The following SLC2A9 variants were observed in gnomAD, a reference collection of about 807,000 sequenced individuals.
SLC2A9 encodes solute carrier family 2 member 9.
In SLC2A9, 39 loss-of-function variants were observed where a neutral mutation model predicts 50.6. That is an observed-to-expected ratio of 0.77 (90% CI 0.60 to 1.01). The LOEUF (loss-of-function observed/expected upper bound fraction) is 1.01, where lower values mean the gene tolerates loss of function less well. Ranked by LOEUF, SLC2A9 falls within the 50% of genes least tolerant of loss-of-function variation. The pLI is 0.00. For synonymous variants in SLC2A9, 324 were observed against 276.9 expected, an observed-to-expected ratio of 1.17 and a Z score of -1.69; for missense variants, 686 against 677.6, an observed-to-expected ratio of 1.01 and a Z score of -0.14.
chr4:9,814,160 T>C (rs1435559827), intron 3 of SLC2A9, among the ~76,000 whole-genome samples: 3 of 151,714 alleles, frequency 2.0e-5, no homozygotes, highest in Non-Finnish European at 2.9e-5. Flanking sequence ...AAGAAATGGA[T>C]AGAAGTTATC....
intron 3 of SLC2A9, among the ~76,000 whole-genome samples, chr4:9,811,647 C>T (rs1398266411): frequency 1.3e-5 from 2 of 152,176 alleles, no homozygotes; most frequent in Non-Finnish European, 2.9e-5. Context: ...GGAGACACCA[C>T]AGGGATCCAC....
At chr4:9,797,260 A>G (rs1720703173), downstream of SLC2A9, among the ~76,000 whole-genome samples, 1 of 152,172 alleles carries the variant, frequency 6.6e-6, no homozygotes, top group Non-Finnish European at 1.5e-5. Flanking sequence ...ATTTCCCTGT[A>G]ACCCCAGTAT....
chr4:10,008,917 T>C (rs1420720678), intron 2 of SLC2A9, among the ~76,000 whole-genome samples: 4 of 149,552 alleles, frequency 2.7e-5, no homozygotes, highest in East Asian at 1.9e-4. Context: ...TTTTTTTTTT[T>C]CCTAATGGAA....
At chr4:9,790,196 A>G (rs1471800523) in intron 3 of SLC2A9, among the ~76,000 whole-genome samples, 1 of 152,102 alleles carries the variant, frequency 6.6e-6, no homozygotes, top group Non-Finnish European at 1.5e-5. Flanking sequence ...GGAAGAGGAG[A>G]GCTCCTTCAT....
intron 10 of SLC2A9, 88 bp from the exon 11 acceptor site, chr4:9,835,096 C>T (rs1232930958): frequency 2.8e-5 from 45 of 1,588,668 alleles, no homozygotes; most frequent in Non-Finnish European, 3.8e-5. Context: ...ACTTTAGAAC[C>T]CCCCCACCCC....
chr4:9,944,855 A>G (rs1269014217), intron 5 of SLC2A9, among the ~76,000 whole-genome samples: 2 of 152,198 alleles, frequency 1.3e-5, no homozygotes, highest in African/African-American at 4.8e-5. Flanking sequence ...GAAAAGTGTG[A>G]CTGGGTGTGT....
chr4:9,799,489 C>T (rs1046934819), intron 3 of SLC2A9, among the ~76,000 whole-genome samples: 6 of 151,998 alleles, frequency 3.9e-5, no homozygotes, highest in Non-Finnish European at 7.4e-5. Context: ...TTCAGAATGG[C>T]TCTGCCCAAA....
At chr4:9,803,062 C>T (rs1721672769) in intron 3 of SLC2A9, among the ~76,000 whole-genome samples, 1 of 152,164 alleles carries the variant, frequency 6.6e-6, no homozygotes, top group South Asian at 2.1e-4. Flanking sequence ...AGTGTATTGG[C>T]CTGGGAATTG....
At chr4:9,985,623 C>G in intron 4 of SLC2A9, 46 bp downstream of exon 4, 1 of 1,612,804 alleles carries the variant, frequency 6.2e-7, no homozygotes, top group Non-Finnish European at 8.5e-7. Context: ...TGGGACACCC[C>G]CAAGGAGTAT....
At chr4:9,926,956 G>T (rs1745010912) in intron 6 of SLC2A9, among the ~76,000 whole-genome samples, 1 of 152,030 alleles carries the variant, frequency 6.6e-6, no homozygotes, top group Admixed American at 6.5e-5. Context: ...AGAAGAGGGA[G>T]CATGGCCCTG....
Position 9,918,819 on chromosome 4 carries a change from C to T in SLC2A9, c.1002+1566G>A, listed in dbSNP as rs1234719845. 2.6e-5 allele frequency among the ~76,000 whole-genome samples: 4 copies of T among 152,332 alleles called. No homozygotes were observed. The East Asian group carries it at 7.7e-4, about 29-fold the overall frequency. ...TGCTCCAGGTCAGGTAAAGCACGCT[C>T]AGCTGGAAATATTATCCCGACTTAA... On this transcript the variant is annotated intron_variant, in intron 7 of 11. Coordinates refer to ENST00000264784, the MANE Select transcript of SLC2A9 (RefSeq NM_020041.3).
At chr4:10,019,348 G>A (rs918330399) in intron 1 of SLC2A9, 29 of 539,576 alleles carry the variant, frequency 5.4e-5, no homozygotes, top group Non-Finnish European at 9.0e-5. Context: ...GCAGTTTTCA[G>A]CAGCTGCTCT....
intron 2 of SLC2A9, among the ~76,000 whole-genome samples, chr4:10,015,739 C>T (rs953971770): frequency 1.8e-4 from 27 of 152,132 alleles, no homozygotes; most frequent in Admixed American, 1.7e-3. Context: ...ACGAATCCAC[C>T]GGCACTTTGA....
chr4:9,783,460 T>A (rs779431218), intron 3 of SLC2A9: 2 of 1,598,300 alleles, frequency 1.3e-6, no homozygotes, highest in Non-Finnish European at 1.7e-6. Flanking sequence ...ATGGATTCCA[T>A]TAAACTGCAT....
At chr4:10,007,042 G>T (rs1760913911) in intron 2 of SLC2A9, among the ~76,000 whole-genome samples, 1 of 152,148 alleles carries the variant, frequency 6.6e-6, no homozygotes, top group Non-Finnish European at 1.5e-5. Context: ...GGTTTCCTCT[G>T]GACTTCACCC....
intron 1 of SLC2A9, 32 bp downstream of exon 1, chr4:10,021,248 G>T: frequency 6.2e-7 from 1 of 1,608,918 alleles, no homozygotes; most frequent in Non-Finnish European, 8.5e-7. Flanking sequence ...CCCACAGCCC[G>T]CCAGCCATGC....
chr4:9,897,634 C>G (rs1250279627), intron 8 of SLC2A9, among the ~76,000 whole-genome samples: 2 of 152,060 alleles, frequency 1.3e-5, no homozygotes, highest in African/African-American at 4.8e-5. Context: ...GGCCTGTAAT[C>G]CCAGCACTTT....
At chr4:9,771,483 C>T in intron 1 of SLC2A9, 1 of 398,914 alleles carries the variant, frequency 2.5e-6, no homozygotes. Context: ...GTACCCAACA[C>T]AACTGCCAAA....
chr4:10,024,089 C>T (rs1463360011), upstream of SLC2A9, among the ~76,000 whole-genome samples: 2 of 152,186 alleles, frequency 1.3e-5, no homozygotes, highest in African/African-American at 4.8e-5. Flanking sequence ...CTTCTGACTG[C>T]CCTGAACTGT....
Sources: allele counts gnomAD v4.1 joint callset (sites outside exome capture counted in the v4.1 genomes callset), GRCh38; gene constraint gnomAD v4.1.1; transcripts MANE v1.5; gene names NCBI Gene and HGNC (gene_info 2026-07-23, HGNC 2026-07-21).